The following SESN2 variants were observed in gnomAD, a reference collection of about 807,000 sequenced individuals.
SESN2 encodes sestrin-2.
A neutral mutation model predicts 56.0 loss-of-function variants in SESN2; 42 were observed. The observed-to-expected ratio is 0.75, with a 90% CI of 0.59 to 0.97. The LOEUF is 0.97. Among genes scored for constraint, SESN2 ranks in the 50% least tolerant of loss-of-function variants. The pLI is 0.00. For missense variants in SESN2, 507 were observed against 649.4 expected, an observed-to-expected ratio of 0.78 and a Z score of 2.38; for synonymous variants, 264 against 267.1, an observed-to-expected ratio of 0.99 and a Z score of 0.11.
intron 2 of SESN2, among the ~76,000 whole-genome samples, 193 bp downstream of exon 2, chr1:28,269,441 G>A (rs959354053): frequency 1.3e-5 from 2 of 151,850 alleles, no homozygotes; most frequent in South Asian, 4.1e-4. Context: ...GAAGAAACAG[G>A]CTCAAAGAAA....
intron 8 of SESN2, among the ~76,000 whole-genome samples, chr1:28,275,424 T>C (rs150042035): frequency 1.6e-4 from 25 of 152,296 alleles, no homozygotes; most frequent in South Asian, 6.2e-4. Context: ...CTTTAAATAA[T>C]GATACGTCTA....
rs557570653 is a variant in SESN2 at position 28,275,529 on chromosome 1, C to T, written c.1211+514C>T. ...CAGCACTTTGGGAGGCCGAGGCGGG[C>T]GGATCATGAGGTTAGGAGTTCGAGA... is the stretch of plus-strand genomic sequence containing the variant. On this transcript the variant is annotated intron_variant, in intron 8 of 9. Coordinates refer to ENST00000253063, the MANE Select transcript of SESN2 (RefSeq NM_031459.5). Among the ~76,000 whole-genome samples, 142 of 143,842 alleles carry T rather than the reference C, an allele frequency of 9.9e-4. 1 individual carries two copies. Among genetic ancestry groups the T allele is most frequent in the African/African-American group, 3.6e-3 (137 of 38,488 alleles). The allele number at this position is 143,842 out of a possible 152,430, so 94.4% of individuals were successfully genotyped here.
Position 28,272,715 on chromosome 1 carries a change from C to G in SESN2, c.672C>G (p.Gly224=), listed in dbSNP as rs367547921. 2.5e-6 allele frequency: 4 copies of G among 1,612,672 alleles called. No individual in the cohort carries two copies. Among genetic ancestry groups the G allele is most frequent in the Non-Finnish European group, 3.4e-6 (4 of 1,178,674 alleles). Residue 224 remains glycine (G), a synonymous_variant, in exon 5 of 10, where the codon GGC becomes GGG. Coordinates refer to ENST00000253063, the MANE Select transcript of SESN2 (RefSeq NM_031459.5). ...CGILPEGDAD[G]SPAPQAPTPP... ...TCCTCCCTGAGGGGGATGCAGATGG[C>G]AGCCCTGCCCCCCAGGCACCTACAC...
chr1:28,269,114 G>A, intron 1 of SESN2, 69 bp from the exon 2 acceptor site: 2 of 1,167,184 alleles, frequency 1.7e-6, no homozygotes, highest in Middle Eastern at 2.0e-4. Context: ...AGGAGGAAGA[G>A]GCTGGATAGG....
At chr1:28,273,287 G>A (rs1647854473) in intron 5 of SESN2, 71 bp from the exon 6 acceptor site, 2 of 1,438,192 alleles carry the variant, frequency 1.4e-6, no homozygotes, top group Admixed American at 2.5e-5. Flanking sequence ...TGGCCTCTGG[G>A]AAGGATGAGT....
In SESN2 at chr1:28,281,663, ACT is replaced by A. The variant is rs1395376682; in HGVS notation, c.*865_*866del. ...CCTGCCTCGCAGAGGCCAGCACCCC[ACT>A]CTCCTGCCTCCAGTGGCCCTGCCGC... is the stretch of plus-strand genomic sequence containing the variant. On this transcript the variant is annotated 3_prime_UTR_variant, in exon 10 of 10. Coordinates refer to ENST00000253063, the MANE Select transcript of SESN2 (RefSeq NM_031459.5). 1.3e-5 allele frequency: 2 copies of A among 151,802 alleles called. No homozygotes were observed. Among genetic ancestry groups the A allele is most frequent in the Admixed American group, 6.6e-5 (1 of 15,230 alleles). The allele number at this position is 151,802 out of a possible 1,614,324, so 9.4% of individuals were successfully genotyped here. A position where few individuals can be genotyped will look rare whatever the true frequency, so the allele number is the denominator to read the frequency against.
chr1:28,261,555 A>G (rs964125338), intron 1 of SESN2, among the ~76,000 whole-genome samples: 2 of 152,154 alleles, frequency 1.3e-5, no homozygotes, highest in Non-Finnish European at 2.9e-5. Context: ...ACTGCGTGAT[A>G]CTTGCTTGCT....
chr1:28,268,767 G>A (rs1262310440), intron 1 of SESN2, among the ~76,000 whole-genome samples: 1 of 152,152 alleles, frequency 6.6e-6, no homozygotes, highest in Non-Finnish European at 1.5e-5. Flanking sequence ...ACGAACATGT[G>A]AGAGAAATTG....
At chr1:28,274,532 A>AG (rs1418856154) in intron 7 of SESN2, among the ~76,000 whole-genome samples, 1 of 152,152 alleles carries the variant, frequency 6.6e-6, no homozygotes, top group Non-Finnish European at 1.5e-5. Flanking sequence ...CTGTCTCAAA[A>AG]AAAAAAAAAC....
Position 28,272,617 on chromosome 1 carries a change from G to C in SESN2, c.574G>C (p.Ala192Pro), listed in dbSNP as rs755579199. Residue 192 changes from alanine to proline, a missense_variant, in exon 5 of 10, where the codon GCC becomes CCC. By Grantham distance (27) the Ala-to-Pro change is conservative. Coordinates refer to ENST00000253063, the MANE Select transcript of SESN2 (RefSeq NM_031459.5). ...LKTGEHTWSL[A>P]ELIQALVLLT... ...GACCGGCGAGCACACTTGGTCCCTGGCCGAGCTCATTCAGGCTCTGGTCCT... is the reference window on the plus strand; with the variant it reads ...GACCGGCGAGCACACTTGGTCCCTGCCCGAGCTCATTCAGGCTCTGGTCCT... 2.5e-6 allele frequency: 4 copies of C among 1,613,972 alleles called. No homozygotes were observed. The highest frequency in any genetic ancestry group is 8.5e-7 in the Non-Finnish European group (1 of 1,180,014).
In SESN2 at chr1:28,281,879, A is replaced by T. The variant is rs1648256758; in HGVS notation, c.*1077A>T. ...TGAGAGGGTGGGTCTGAGTCCCCAC[A>T]ATGTCTGAAGCTGCCCCTGGGATTC... is the stretch of plus-strand genomic sequence containing the variant. On this transcript the variant is annotated 3_prime_UTR_variant, in exon 10 of 10. Transcript: ENST00000253063. The T allele has an allele frequency of 6.6e-6, 1 of 152,112 alleles. No individual in the cohort carries two copies. Among genetic ancestry groups the T allele is most frequent in the South Asian group, 2.1e-4 (1 of 4,826 alleles). The allele number at this position is 152,112 out of a possible 1,614,324, so 9.4% of individuals were successfully genotyped here.
intron 5 of SESN2, 130 bp downstream of exon 5, chr1:28,272,923 T>G: frequency 1.6e-6 from 1 of 619,788 alleles, no homozygotes; most frequent in Non-Finnish European, 2.8e-6. Flanking sequence ...AAAAGTTATT[T>G]GACTTTGAAG....
chr1:28,274,118 C>T lies in SESN2; in HGVS notation c.980C>T (p.Thr327Ile). ...CCTACTTTCGGATATGAGGACTTCA[C>T]TCGGAGAGGGGCTCAGGCACCCCCT... ...EDPTFGYEDF[T>I]RRGAQAPPTF... The change falls in exon 7 of 10, where the codon ACT (threonine) becomes ATT (isoleucine). Residue 327 changes from threonine to isoleucine, a missense_variant. Physicochemically the swap from Thr to Ile is moderately conservative, Grantham distance 89 (BLOSUM62 -1). Transcript: ENST00000253063. 1 of 1,614,126 alleles carries T rather than the reference C, an allele frequency of 6.2e-7. No homozygotes were observed. Among genetic ancestry groups the T allele is most frequent in the African/African-American group, 1.3e-5 (1 of 75,056 alleles).
chr1:28,269,257 G>T lies in SESN2; in HGVS notation c.156+9G>T. 1 of 1,607,518 alleles carries T rather than the reference G, an allele frequency of 6.2e-7. No individual in the cohort carries two copies. Among genetic ancestry groups the T allele is most frequent in the Admixed American group, 1.7e-5 (1 of 59,482 alleles). ...TCATCCCCGTGGAGGAGGTAAGCTT[G>T]GAAGGGGTTAGGGATCTTTGGTCCC... On this transcript the variant is annotated intron_variant, in intron 2 of 9. Coordinates refer to ENST00000253063, the MANE Select transcript of SESN2 (RefSeq NM_031459.5).
chr1:28,276,137 A>T (rs1648033623), intron 8 of SESN2, among the ~76,000 whole-genome samples: 1 of 131,704 alleles, frequency 7.6e-6, no homozygotes, highest in Non-Finnish European at 1.6e-5. Flanking sequence ...ACAGAGCAAG[A>T]CGCTATCTCA....
rs946993029 is a variant in SESN2 at position 28,271,885 on chromosome 1, G to C, written c.354+14G>C. The stretch of plus-strand genomic sequence containing the variant: ...ATTGCCATCATGGTGAGCCTCTCTG[G>C]GCCTGACACTTGGAGAGGTGGCTTT... On this transcript the variant is annotated intron_variant, in intron 3 of 9. Coordinates refer to ENST00000253063, the MANE Select transcript of SESN2 (RefSeq NM_031459.5). The C allele has an allele frequency of 6.2e-7, 1 of 1,613,206 alleles. No homozygotes were observed. The highest frequency in any genetic ancestry group is 8.5e-7 in the Non-Finnish European group (1 of 1,179,436).
Position 28,281,363 on chromosome 1 carries a change from C to G in SESN2, c.*561C>G, listed in dbSNP as rs1648233760. 1 of 152,312 alleles carries G rather than the reference C, an allele frequency of 6.6e-6. No homozygotes were observed. Among genetic ancestry groups the G allele is most frequent in the African/African-American group, 2.4e-5 (1 of 41,436 alleles). 9.4% of individuals were successfully genotyped at this position (152,312 alleles called of 1,614,324 possible). ...GGCAGCCTGAGGCTGTTGCCCGAAT[C>G]CTAGTTCAGTTTTTTGACTTCCTTT... On this transcript the variant is annotated 3_prime_UTR_variant, in exon 10 of 10. Coordinates refer to ENST00000253063, the MANE Select transcript of SESN2 (RefSeq NM_031459.5).
chr1:28,261,981 A>G (rs956700642), intron 1 of SESN2, among the ~76,000 whole-genome samples: 2 of 151,994 alleles, frequency 1.3e-5, no homozygotes. Flanking sequence ...GAGTTTCAGC[A>G]TGTTGGCCAG....
chr1:28,276,428 A>G (rs889258823), intron 8 of SESN2, among the ~76,000 whole-genome samples: 3 of 151,560 alleles, frequency 2.0e-5, no homozygotes, highest in Non-Finnish European at 4.4e-5. Flanking sequence ...ATAGTGAGCC[A>G]TGAATGCACC....
Sources: allele counts gnomAD v4.1 joint callset (sites outside exome capture counted in the v4.1 genomes callset), GRCh38; gene constraint gnomAD v4.1.1; transcripts MANE v1.5; gene names NCBI Gene and HGNC (gene_info 2026-07-23, HGNC 2026-07-21).